Variants in LRRC4C observed in about 807,000 individuals in gnomAD.
The protein encoded by LRRC4C is leucine-rich repeat-containing protein 4C.
LRRC4C carries 5 observed loss-of-function variants against 33.6 expected under a neutral mutation model. The ratio of observed to expected loss-of-function variants is 0.15; its 90% CI spans 0.08 to 0.31. The LOEUF (loss-of-function observed/expected upper bound fraction) is 0.31. Among genes scored for constraint, LRRC4C ranks in the 10% least tolerant of loss-of-function variants. The pLI, the probability that LRRC4C is intolerant of heterozygous loss-of-function variation, is 1.00. For missense variants in LRRC4C, 560 were observed against 796.7 expected, an observed-to-expected ratio of 0.70 and a Z score of 3.58; for synonymous variants, 329 against 302.0, an observed-to-expected ratio of 1.09 and a Z score of -0.93.
At chr11:40,859,299 A>G (rs1207559461) in intron 2 of LRRC4C, among the ~76,000 whole-genome samples, 1 of 152,156 alleles carries the variant, frequency 6.6e-6, no homozygotes, top group Non-Finnish European at 1.5e-5. Context: ...AGTTTTCTGA[A>G]AAAAGGAGAT....
chr11:40,725,015 G>A (rs1257985314), intron 2 of LRRC4C, among the ~76,000 whole-genome samples: 1 of 152,080 alleles, frequency 6.6e-6, no homozygotes, highest in Non-Finnish European at 1.5e-5. Flanking sequence ...CCCTTAACAA[G>A]CTGACCCATG....
At chr11:41,044,244 C>T (rs187790176) in intron 1 of LRRC4C, among the ~76,000 whole-genome samples, 112 of 152,116 alleles carry the variant, frequency 7.4e-4, no homozygotes, top group African/African-American at 2.6e-3. Context: ...AGGAAAACTT[C>T]GAACCGTGTC....
chr11:41,217,484 T>G (rs1947110614), intron 1 of LRRC4C, among the ~76,000 whole-genome samples: 1 of 152,178 alleles, frequency 6.6e-6, no homozygotes, highest in African/African-American at 2.4e-5. Flanking sequence ...TGAACACAAA[T>G]CCCTGCTTTT....
chr11:40,686,907 T>C (rs1013182165), intron 2 of LRRC4C, among the ~76,000 whole-genome samples: 1 of 151,846 alleles, frequency 6.6e-6, no homozygotes, highest in Non-Finnish European at 1.5e-5. Context: ...ACTTCAAGAG[T>C]AGGCCACAGA....
At chr11:40,925,928 A>G (rs1209290321) in intron 2 of LRRC4C, among the ~76,000 whole-genome samples, 1 of 152,126 alleles carries the variant, frequency 6.6e-6, no homozygotes, top group East Asian at 1.9e-4. Flanking sequence ...TTTCTATAAC[A>G]TGGTATATGG....
chr11:41,163,114 C>T (rs975003470), intron 1 of LRRC4C, among the ~76,000 whole-genome samples: 6 of 151,854 alleles, frequency 4.0e-5, no homozygotes, highest in African/African-American at 7.3e-5. Context: ...TTTCTCTTGC[C>T]GCCACCATGT....
At chr11:40,723,117 A>G (rs1463499101) in intron 2 of LRRC4C, among the ~76,000 whole-genome samples, 2 of 152,196 alleles carry the variant, frequency 1.3e-5, no homozygotes, top group African/African-American at 2.4e-5. Flanking sequence ...TAAAGTGACC[A>G]AACCTATGAC....
intron 2 of LRRC4C, among the ~76,000 whole-genome samples, chr11:40,765,369 A>G (rs1462264672): frequency 6.6e-6 from 1 of 152,164 alleles, no homozygotes; most frequent in East Asian, 1.9e-4. Context: ...CATAATTGTA[A>G]GTTTCCCTAG....
chr11:41,455,121 T>C (rs1259341044), intron 1 of LRRC4C, among the ~76,000 whole-genome samples: 1 of 152,152 alleles, frequency 6.6e-6, no homozygotes, highest in Non-Finnish European at 1.5e-5. Context: ...AAGTCAGCTT[T>C]TTAATTCTGG....
intron 1 of LRRC4C, among the ~76,000 whole-genome samples, chr11:41,058,473 G>A (rs1031286082): frequency 3.3e-5 from 5 of 152,256 alleles, no homozygotes; most frequent in Admixed American, 6.5e-5. Flanking sequence ...CAGGTAGTGT[G>A]AGCCAAGCAC....
chr11:40,142,273 G>A (rs1857419777), intron 5 of LRRC4C, among the ~76,000 whole-genome samples: 1 of 42,766 alleles, frequency 2.3e-5, no homozygotes, highest in Non-Finnish European at 3.8e-5. Context: ...GTGAGATTCT[G>A]TCTCAAAAAA....
At position 40,819,417 on chromosome 11, in the gene LRRC4C, C is replaced by T. The variant is rs145902319; in HGVS notation, c.-407+114218G>A. ...GAATTCTGCTACTTCCCCACTTCCA[C>T]CACTGGATGGAGATTCAGCCAGAGC... is the stretch of plus-strand genomic sequence containing the variant. On this transcript the variant is annotated intron_variant, in intron 2 of 6. Transcript: ENST00000528697. Among the ~76,000 whole-genome samples, 219 of 152,252 alleles carry T rather than the reference C, an allele frequency of 1.4e-3. 2 individuals are homozygous for T. Among genetic ancestry groups the T allele is most frequent in the African/African-American group, 5.1e-3 (212 of 41,562 alleles).
chr11:40,988,727 T>G (rs1017898707), intron 1 of LRRC4C, among the ~76,000 whole-genome samples: 1 of 144,402 alleles, frequency 6.9e-6, no homozygotes, highest in Non-Finnish European at 1.5e-5. Flanking sequence ...TTTTTTTTTT[T>G]TTTTTTTGAG....
At chr11:40,470,061 T>A (rs2138278198) in intron 3 of LRRC4C, among the ~76,000 whole-genome samples, 1 of 152,274 alleles carries the variant, frequency 6.6e-6, no homozygotes, top group East Asian at 1.9e-4. Context: ...CTCAAGTGGG[T>A]CCCTGACCCC....
chr11:41,202,786 CG>C (rs1367665345), intron 1 of LRRC4C, among the ~76,000 whole-genome samples: 36 of 143,878 alleles, frequency 2.5e-4, no homozygotes, highest in Admixed American at 6.2e-4. Flanking sequence ...CTTTGAAAAC[CG>C]ATTTTTTTTT....
intron 1 of LRRC4C, among the ~76,000 whole-genome samples, chr11:41,165,131 A>C (rs974764361): frequency 1.3e-5 from 2 of 152,148 alleles, no homozygotes; most frequent in Admixed American, 6.5e-5. Flanking sequence ...GCGGGTTCCC[A>C]GAGCCTGGGA....
At chr11:40,995,853 T>A (rs1853931949) in intron 1 of LRRC4C, among the ~76,000 whole-genome samples, 1 of 152,184 alleles carries the variant, frequency 6.6e-6, no homozygotes, top group African/African-American at 2.4e-5. Context: ...TATCTCCAAA[T>A]TCATTTTTTA....
At chr11:41,190,369 C>CTGTCTTTTTAGAG (rs1449286636) in intron 1 of LRRC4C, among the ~76,000 whole-genome samples, 1 of 152,122 alleles carries the variant, frequency 6.6e-6, no homozygotes, top group Non-Finnish European at 1.5e-5. Flanking sequence ...AGACTTTGAC[C>CTGTCTTTTTAGAG]TGTCTTTTTA....
At chr11:40,545,320 T>G (rs1049293969) in intron 3 of LRRC4C, among the ~76,000 whole-genome samples, 4 of 152,072 alleles carry the variant, frequency 2.6e-5, no homozygotes, top group African/African-American at 9.7e-5. Context: ...AATAACTGAA[T>G]GAACCGATTA....
Sources: allele counts gnomAD v4.1 joint callset (sites outside exome capture counted in the v4.1 genomes callset), GRCh38; gene constraint gnomAD v4.1.1; transcripts MANE v1.5; gene names NCBI Gene and HGNC (gene_info 2026-07-23, HGNC 2026-07-21).